Variants in DNAJC13 observed in about 807,000 individuals in gnomAD.
DNAJC13 encodes the protein DnaJ heat shock protein family (Hsp40) member C13.
DNAJC13 carries 75 observed loss-of-function variants against 290.5 expected under a neutral mutation model. The observed-to-expected ratio is 0.26, with a 90% confidence interval of 0.21 to 0.31. The LOEUF is 0.31. DNAJC13 is among the 10% of genes least tolerant of loss of function. The pLI, the probability that DNAJC13 is intolerant of heterozygous loss-of-function variation, is 1.00. For missense variants in DNAJC13, 2,260 were observed against 2,674.5 expected (o/e 0.85, Z 3.42); for synonymous variants, 862 against 892.0 (o/e 0.97, Z 0.60).
intron 48 of DNAJC13, among the ~76,000 whole-genome samples, chr3:132,521,118 G>A (rs1365444335): frequency 1.3e-5 from 2 of 152,128 alleles, no homozygotes; most frequent in Non-Finnish European, 2.9e-5. Flanking sequence ...AAACACAACA[G>A]TCATGTACAG....
intron 26 of DNAJC13, 92 bp downstream of exon 26, chr3:132,480,562 C>A: frequency 2.1e-6 from 2 of 932,400 alleles, no homozygotes; most frequent in Non-Finnish European, 3.3e-6. Context: ...AAGATGTGGT[C>A]ACACACTTAT....
chr3:132,423,106 C>G (rs1434510198), intron 1 of DNAJC13, among the ~76,000 whole-genome samples: 1 of 152,076 alleles, frequency 6.6e-6, no homozygotes, highest in Non-Finnish European at 1.5e-5. Context: ...GGAGCTCCAA[C>G]CTAGCTTGAG....
intron 36 of DNAJC13, 64 bp downstream of exon 36, chr3:132,496,727 ACCATATT>A (rs1384043105): frequency 7.7e-7 from 1 of 1,297,734 alleles, no homozygotes; most frequent in African/African-American, 1.5e-5. Context: ...CTAACCCTAT[ACCATATT>A]ACCTGTTTCT....
chr3:132,494,942 A>G (rs1434651274), intron 34 of DNAJC13, 146 bp from the exon 35 acceptor site: 4 of 475,014 alleles, frequency 8.4e-6, no homozygotes, highest in Non-Finnish European at 1.4e-5. Context: ...AAAAATCTTA[A>G]TTCTTTCTGG....
intron 55 of DNAJC13, among the ~76,000 whole-genome samples, chr3:132,533,160 A>G (rs1200277750): frequency 6.8e-6 from 1 of 146,306 alleles, no homozygotes; most frequent in Non-Finnish European, 1.5e-5. Context: ...GGTTCAAGCC[A>G]TTCTCCTGCC....
At chr3:132,502,568 A>T (rs1935453262) in intron 40 of DNAJC13, 100 bp downstream of exon 40, 1 of 1,124,100 alleles carries the variant, frequency 8.9e-7, no homozygotes, top group Non-Finnish European at 1.2e-6. Context: ...CCCAGAGATA[A>T]ATTGTTTTTC....
At chr3:132,433,358 A>G (rs1233114514) in intron 1 of DNAJC13, among the ~76,000 whole-genome samples, 1 of 152,242 alleles carries the variant, frequency 6.6e-6, no homozygotes, top group Non-Finnish European at 1.5e-5. Context: ...CAGCCTCAGA[A>G]TAATACCACA....
At position 132,531,020 on chromosome 3, in the gene DNAJC13, C is replaced by T. The variant is rs1057201169; in HGVS notation, c.6548C>T (p.Ser2183Phe). Reference protein sequence around the residue: ...GEQVNEILCRSSVWSAFKDQK... With the variant: ...GEQVNEILCRFSVWSAFKDQK... ...TAGGTGAATGAAATCCTGTGCCGTT[C>T]TTCAGTCTGGAGTGCCTTCAAAGAT... The change falls in exon 55 of 56, where the codon TCT (serine) becomes TTT (phenylalanine). Residue 2183 changes from serine (S) to phenylalanine (F), a missense_variant. Physicochemically the swap from Ser to Phe is radical, Grantham distance 155 (BLOSUM62 -2). This residue lies in a region of DNAJC13 where 1,494 missense variants were observed against 1,693.7 expected (regional missense o/e 0.88). Coordinates refer to ENST00000260818, the MANE Select transcript of DNAJC13 (RefSeq NM_015268.4). 2 of 1,613,930 alleles carry T rather than the reference C, an allele frequency of 1.2e-6. No individual in the cohort carries two copies. The highest frequency in any genetic ancestry group is 1.3e-5 in the African/African-American group (1 of 74,926).
chr3:132,511,257 A>G lies in DNAJC13; in HGVS notation c.5293+13A>G, dbSNP rs373610549. ...AAATACAATCCAGGTATGTGACTAC[A>G]CCTTTGATCAATAAGACTCGTATAA... On this transcript the variant is annotated intron_variant, in intron 44 of 55. Transcript: ENST00000260818. The G allele has an allele frequency of 1.2e-6, 2 of 1,613,124 alleles. No homozygotes were observed. Among genetic ancestry groups the G allele is most frequent in the African/African-American group, 2.7e-5 (2 of 74,964 alleles).
chr3:132,528,315 T>C lies in DNAJC13; in HGVS notation c.6508T>C (p.Leu2170=), dbSNP rs763126259. 2 of 1,614,060 alleles carry C rather than the reference T, an allele frequency of 1.2e-6. No individual in the cohort carries two copies. The highest frequency in any genetic ancestry group is 1.7e-6 in the Non-Finnish European group (2 of 1,180,014). The change falls in exon 54 of 56, where the codon TTG becomes CTG. Residue 2170 remains leucine, a synonymous_variant. Coordinates refer to ENST00000260818, the MANE Select transcript of DNAJC13 (RefSeq NM_015268.4). ...VKALKAMTRS[L]QYGEQVNEIL... ...AGCTCTCAAGGCAATGACTCGAAGTTTGCAGTATGGAGAACAGGTGAGTCT... is the reference window on the plus strand; with the variant it reads ...AGCTCTCAAGGCAATGACTCGAAGTCTGCAGTATGGAGAACAGGTGAGTCT...
intron 37 of DNAJC13, 31 bp downstream of exon 37, chr3:132,499,341 G>A (rs1451675375): frequency 6.5e-7 from 1 of 1,539,882 alleles, no homozygotes; most frequent in South Asian, 1.2e-5. Context: ...TGCTTTTTAA[G>A]CCAGTTTACA....
At chr3:132,467,352 G>C in intron 20 of DNAJC13, 39 bp downstream of exon 20, 4 of 1,609,000 alleles carry the variant, frequency 2.5e-6, no homozygotes, top group Non-Finnish European at 3.4e-6. Flanking sequence ...TGGCACTTCT[G>C]TGTGTCCTAG....
rs558557368 is a variant in DNAJC13 at position 132,497,479 on chromosome 3, C to T, written c.4156+816C>T. On this transcript the variant is annotated intron_variant, in intron 36 of 55. Coordinates refer to ENST00000260818, the MANE Select transcript of DNAJC13 (RefSeq NM_015268.4). The stretch of plus-strand genomic sequence containing the variant: ...ATGGAGAGTGTTGGGTAACTAAAGA[C>T]AAGAGATGGTGTTGCAGTTTAAGTA... Among the ~76,000 whole-genome samples, 77 of 152,180 alleles carry T rather than the reference C, an allele frequency of 5.1e-4. No homozygotes were observed. The Middle Eastern group carries it at 0.01, about 20-fold the overall frequency.
At chr3:132,439,396 C>T (rs969835612) in intron 2 of DNAJC13, among the ~76,000 whole-genome samples, 3 of 151,726 alleles carry the variant, frequency 2.0e-5, no homozygotes, top group Non-Finnish European at 4.4e-5. Flanking sequence ...TTACACACCT[C>T]ACCCATCCTC....
chr3:132,514,494 A>G, intron 45 of DNAJC13, 77 bp from the exon 46 acceptor site: 6 of 942,240 alleles, frequency 6.4e-6, no homozygotes, highest in Non-Finnish European at 8.0e-6. Flanking sequence ...TCTCACTTGT[A>G]CAGTCTATAT....
intron 27 of DNAJC13, among the ~76,000 whole-genome samples, chr3:132,483,127 C>A (rs1443291952): frequency 6.6e-6 from 1 of 152,054 alleles, no homozygotes; most frequent in East Asian, 1.9e-4. Flanking sequence ...AGCACCCCAC[C>A]TGTCATTTTT....
rs1213279993 is a variant in DNAJC13 at position 132,503,437 on chromosome 3, A to G, written c.4884+56A>G. The stretch of plus-strand genomic sequence containing the variant: ...ATCAATAGTGCAAGATCCTTTAAGC[A>G]GTAAAGTAGTACAATAATATTGATC... On this transcript the variant is annotated intron_variant, in intron 41 of 55. Coordinates refer to ENST00000260818, the MANE Select transcript of DNAJC13 (RefSeq NM_015268.4). The G allele has an allele frequency of 3.8e-6, 6 of 1,583,840 alleles. No homozygotes were observed. In the Admixed American group the frequency reaches 1.0e-4, roughly 27 times the overall value.
chr3:132,503,980 A>AT (rs1491375890), intron 41 of DNAJC13, among the ~76,000 whole-genome samples: 1 of 84,214 alleles, frequency 1.2e-5, no homozygotes, highest in African/African-American at 1.0e-4. Context: ...CTTTAATTAT[A>AT]AAAAAAAAAA....
chr3:132,422,237 A>G (rs1035372147), intron 1 of DNAJC13, among the ~76,000 whole-genome samples: 2 of 151,442 alleles, frequency 1.3e-5, no homozygotes, highest in Non-Finnish European at 1.5e-5. Context: ...AGGTCTCACT[A>G]TGTTGCCCAG....
Sources: gnomAD v4.1 joint callset for allele counts (sites outside exome capture counted in the v4.1 genomes callset) on GRCh38, gnomAD v4.1.1 for gene constraint, gnomAD v4.1.1 regional missense constraint, MANE v1.5 for transcripts, NCBI Gene and HGNC (gene_info 2026-07-23, HGNC 2026-07-21) for gene names.